The following NUDT16 variants were observed in gnomAD, a reference collection of about 807,000 sequenced individuals.
NUDT16 encodes U8 snoRNA-decapping enzyme.
Under a neutral mutation model 11.7 loss-of-function variants are expected in NUDT16, and 12 were observed. The observed-to-expected ratio is 1.03, with a 90% CI of 0.66 to 1.67. NUDT16 has a LOEUF of 1.67. Among genes scored for constraint, NUDT16 ranks in the 40% most tolerant of loss-of-function variants. The pLI is 0.00. For synonymous variants in NUDT16, 129 were observed against 122.6 expected (o/e 1.05, Z -0.35); for missense variants, 303 against 268.9 (o/e 1.13, Z -0.89).
chr3:131,386,420 T>C lies in NUDT16; in HGVS notation c.*3079T>C, dbSNP rs760898895. ...AGAAGAGAAATGCTCATTGCAATCT[T>C]TGACCCCCACTAACTGCTGTGGTGA... On this transcript the variant is annotated 3_prime_UTR_variant, in exon 3 of 3. Coordinates refer to ENST00000521288, the MANE Select transcript of NUDT16 (RefSeq NM_152395.3). 1.3e-5 allele frequency: 2 copies of C among 152,292 alleles called. No individual in the cohort carries two copies. Among genetic ancestry groups the C allele is most frequent in the Non-Finnish European group, 2.9e-5 (2 of 68,068 alleles). 9.4% of individuals were successfully genotyped at this position (152,292 alleles called of 1,614,324 possible).
At position 131,381,796 on chromosome 3, in the gene NUDT16, T is replaced by G. The variant is rs771608605; in HGVS notation, c.-9T>G. 1.6e-5 allele frequency: 24 copies of G among 1,544,694 alleles called. No individual in the cohort carries two copies. The highest frequency in any genetic ancestry group is 1.9e-5 in the Non-Finnish European group (22 of 1,151,708). On this transcript the variant is annotated 5_prime_UTR_variant, in exon 1 of 3. Transcript: ENST00000521288. ...GGCCTTCGGGACAGCAGAGGAGCAGTGTCCGGCCATGGCCGGAGCCCGCAG... is the reference window on the plus strand; with the variant it reads ...GGCCTTCGGGACAGCAGAGGAGCAGGGTCCGGCCATGGCCGGAGCCCGCAG...
chr3:131,382,375 T>C, intron 2 of NUDT16, 60 bp downstream of exon 2: 1 of 1,603,712 alleles, frequency 6.2e-7, no homozygotes, highest in South Asian at 1.1e-5. Flanking sequence ...AAGCTTTCTC[T>C]CCCCCAAGAA....
In NUDT16 at chr3:131,382,043, C is replaced by T; in HGVS notation, c.139-3C>T. 1 of 1,578,472 alleles carries T rather than the reference C, an allele frequency of 6.3e-7. No individual in the cohort carries two copies. Among genetic ancestry groups the T allele is most frequent in the Non-Finnish European group, 8.6e-7 (1 of 1,160,340 alleles). On this transcript the variant is annotated splice_region_variant and splice_polypyrimidine_tract_variant and intron_variant, in intron 1 of 2. Transcript: ENST00000521288. The stretch of plus-strand genomic sequence containing the variant: ...TGCCAATCCCCGCTTCCCCCTCCCG[C>T]AGATGCAGATGCGCTTCGATGGACG...
Position 131,382,767 on chromosome 3 carries a change from C to T in NUDT16, c.409-395C>T. 2 of 1,257,284 alleles carry T rather than the reference C, an allele frequency of 1.6e-6. No homozygotes were observed. Among genetic ancestry groups the T allele is most frequent in the East Asian group, 2.7e-5 (1 of 36,706 alleles). The allele number at this position is 1,257,284 out of a possible 1,614,324, so 77.9% of individuals were successfully genotyped here. ...TCATCGGGGCGTCTTATTAAAATAGCGATTTCTCTCAGCATTCCTGCATTG... is the reference window on the plus strand; with the variant it reads ...TCATCGGGGCGTCTTATTAAAATAGTGATTTCTCTCAGCATTCCTGCATTG... On this transcript the variant is annotated intron_variant, in intron 2 of 2. Coordinates refer to ENST00000521288, the MANE Select transcript of NUDT16 (RefSeq NM_152395.3).
Position 131,383,593 on chromosome 3 carries a change from G to GTT in NUDT16, c.*253_*254insTT. On this transcript the variant is annotated 3_prime_UTR_variant, in exon 3 of 3. Coordinates refer to ENST00000521288, the MANE Select transcript of NUDT16 (RefSeq NM_152395.3). The surrounding 1 kb of genome is among the most constrained non-coding windows in gnomAD (Gnocchi z 4.4). ...GCCTGCCTCCTCCCTGTTTATATGC[G>GTT]TACAGCCTGGTAACCCCCAGGCATG... 1.5e-6 allele frequency: 1 copy of GTT among 668,002 alleles called. No homozygotes were observed. Among genetic ancestry groups the GTT allele is most frequent in the South Asian group, 1.9e-5 (1 of 51,498 alleles). 41.4% of individuals were successfully genotyped at this position (668,002 alleles called of 1,614,324 possible).
At position 131,384,919 on chromosome 3, in the gene NUDT16, T is replaced by C. The variant is rs1198964132; in HGVS notation, c.*1578T>C. 1 of 152,226 alleles carries C rather than the reference T, an allele frequency of 6.6e-6. No homozygotes were observed. Among genetic ancestry groups the C allele is most frequent in the Admixed American group, 6.5e-5 (1 of 15,284 alleles). The allele number at this position is 152,226 out of a possible 1,614,324, so 9.4% of individuals were successfully genotyped here. A position where few individuals can be genotyped will look rare whatever the true frequency, so the allele number is the denominator to read the frequency against. ...GAGTAGGATGCTGGGCACTCAGGTG[T>C]GTGTGTGTTGAGTGGGGCTCTGCAC... On this transcript the variant is annotated 3_prime_UTR_variant, in exon 3 of 3. Transcript: ENST00000521288.
At chr3:131,381,745 G>T, upstream of NUDT16, 1 of 1,516,938 alleles carries the variant, frequency 6.6e-7, no homozygotes, top group Non-Finnish European at 8.8e-7. Flanking sequence ...ATTGGTCCGA[G>T]GTGAGACCCG....
chr3:131,382,747 G>C (rs762417364), intron 2 of NUDT16: 75 of 1,349,880 alleles, frequency 5.6e-5, no homozygotes, highest in Non-Finnish European at 7.0e-5. Context: ...CAGAATCATC[G>C]GGGCGTCTTA....
At position 131,381,831 on chromosome 3, in the gene NUDT16, A is replaced by T. The variant is rs760767167; in HGVS notation, c.27A>T (p.Leu9=). The T allele has an allele frequency of 1.1e-5, 17 of 1,582,424 alleles. No individual in the cohort carries two copies. The highest frequency in any genetic ancestry group is 5.3e-5 in the Admixed American group (3 of 56,472). ...TGGCCGGAGCCCGCAGGCTGGAGCT[A>T]GGCGAGGCCCTGGCGCTGGGGTCGG... MAGARRLE[L]GEALALGSGW... is the part of the protein sequence containing the mutation. Residue 9 remains leucine, a synonymous_variant, in exon 1 of 3, where the codon CTA becomes CTT. Coordinates refer to ENST00000521288, the MANE Select transcript of NUDT16 (RefSeq NM_152395.3).
rs2097460183 is a variant in NUDT16, at chr3:131,386,767, C to T, written c.*3426C>T. The T allele has an allele frequency of 1.3e-5, 2 of 152,228 alleles. No individual in the cohort carries two copies. Among genetic ancestry groups the T allele is most frequent in the South Asian group, 4.1e-4 (2 of 4,838 alleles). The allele number at this position is 152,228 out of a possible 1,614,324, so 9.4% of individuals were successfully genotyped here. ...CCACCCTGTCCTGAGACAAAGTCCT[C>T]TGTGGTCACTTGGCATATGGCAAAG... On this transcript the variant is annotated 3_prime_UTR_variant, in exon 3 of 3. Transcript: ENST00000521288.
In NUDT16 at chr3:131,386,502, G is replaced by T. The variant is rs2097459988; in HGVS notation, c.*3161G>T. On this transcript the variant is annotated 3_prime_UTR_variant, in exon 3 of 3. Coordinates refer to ENST00000521288, the MANE Select transcript of NUDT16 (RefSeq NM_152395.3). ...TATCTGAAATGTTGCTGTGATTCCT[G>T]TGGTGAGATCAGATGAGGCAGCACT... 6.6e-6 allele frequency: 1 copy of T among 152,300 alleles called. No individual in the cohort carries two copies. The highest frequency in any genetic ancestry group is 2.1e-4 in the South Asian group (1 of 4,830). The allele number at this position is 152,300 out of a possible 1,614,324, so 9.4% of individuals were successfully genotyped here.
Position 131,381,831 on chromosome 3 carries a change from A to G in NUDT16, c.27A>G (p.Leu9=). 6.3e-7 allele frequency: 1 copy of G among 1,582,542 alleles called. No individual in the cohort carries two copies. Among genetic ancestry groups the G allele is most frequent in the Non-Finnish European group, 8.5e-7 (1 of 1,170,704 alleles). ...TGGCCGGAGCCCGCAGGCTGGAGCTAGGCGAGGCCCTGGCGCTGGGGTCGG... is the reference window on the plus strand; with the variant it reads ...TGGCCGGAGCCCGCAGGCTGGAGCTGGGCGAGGCCCTGGCGCTGGGGTCGG... MAGARRLE[L]GEALALGSGW... is the part of the protein sequence containing the mutation. Residue 9 remains leucine, a synonymous_variant, in exon 1 of 3, where the codon CTA becomes CTG. Coordinates refer to ENST00000521288, the MANE Select transcript of NUDT16 (RefSeq NM_152395.3).
rs2097457369 is a variant in NUDT16 at position 131,383,278 on chromosome 3, C to T, written c.525C>T (p.Leu175=). 1.9e-6 allele frequency: 3 copies of T among 1,614,006 alleles called. No individual in the cohort carries two copies. Among genetic ancestry groups the T allele is most frequent in the African/African-American group, 2.7e-5 (2 of 74,906 alleles). ...GSAREQLLEA[L]QDLGLLQSGS... ...CGCGGGAGCAGTTACTTGAAGCTCT[C>T]CAGGACTTGGGACTGCTGCAGTCTG... Residue 175 remains leucine, a synonymous_variant, in exon 3 of 3, where the codon CTC becomes CTT. Coordinates refer to ENST00000521288, the MANE Select transcript of NUDT16 (RefSeq NM_152395.3). This position sits in a 1 kb window ranked among gnomAD's most constrained non-coding sequence, Gnocchi z 4.4.
In NUDT16 at chr3:131,381,936, C is replaced by T; in HGVS notation, c.132C>T (p.Ala44=). The T allele has an allele frequency of 6.2e-7, 1 of 1,611,356 alleles. No homozygotes were observed. Among genetic ancestry groups the T allele is most frequent in the Non-Finnish European group, 8.5e-7 (1 of 1,178,774 alleles). The change falls in exon 1 of 3, where the codon GCC becomes GCT. Residue 44 remains alanine, a synonymous_variant. Transcript: ENST00000521288. ...MLFGRIPLRY[A]ILMQMRFDGR... ...TCGGCCGCATCCCGCTGCGCTACGCCATACTGGTGAGAAGGGGGCGCGCCC... is the reference window on the plus strand; with the variant it reads ...TCGGCCGCATCCCGCTGCGCTACGCTATACTGGTGAGAAGGGGGCGCGCCC...
rs2097460158 is a variant in NUDT16 at position 131,386,731 on chromosome 3, C to T, written c.*3390C>T. ...CTTTTCTGCTGGTGCAGAATAAAAA[C>T]ACTTTGAGCCCCACCCTGTCCTGAG... On this transcript the variant is annotated 3_prime_UTR_variant, in exon 3 of 3. Transcript: ENST00000521288. 6.6e-6 allele frequency: 1 copy of T among 152,202 alleles called. No individual in the cohort carries two copies. The highest frequency in any genetic ancestry group is 2.4e-5 in the African/African-American group (1 of 41,442). 9.4% of individuals were successfully genotyped at this position (152,202 alleles called of 1,614,324 possible).
chr3:131,381,896 A>G lies in NUDT16; in HGVS notation c.92A>G (p.Asp31Gly). 1 of 1,610,478 alleles carries G rather than the reference A, an allele frequency of 6.2e-7. No homozygotes were observed. Reference sequence around the variant, plus strand: ...TGCCACGCTCTCCTCTACGCGCCGGACCCTGGGATGCTCTTCGGCCGCATC... The same window carrying G: ...TGCCACGCTCTCCTCTACGCGCCGGGCCCTGGGATGCTCTTCGGCCGCATC... ...HACHALLYAPDPGMLFGRIPL... is the reference protein window; with the variant it reads ...HACHALLYAPGPGMLFGRIPL... Residue 31 changes from aspartate (D) to glycine (G), a missense_variant, in exon 1 of 3, where the codon GAC becomes GGC. Asp to Gly is a moderately conservative substitution (Grantham distance 94). Transcript: ENST00000521288.
rs1353380978 is a variant in NUDT16, at chr3:131,387,366, A to C, written c.*4025A>C. On this transcript the variant is annotated 3_prime_UTR_variant, in exon 3 of 3. Transcript: ENST00000521288. ...ACAGGGGCCAGCTGGGCAGAGATGAAATCTTGCAAAGGAACCCTTCTTACA... is the reference window on the plus strand; with the variant it reads ...ACAGGGGCCAGCTGGGCAGAGATGACATCTTGCAAAGGAACCCTTCTTACA... The C allele has an allele frequency of 6.6e-6, 1 of 152,248 alleles. No individual in the cohort carries two copies. The allele number at this position is 152,248 out of a possible 1,614,324, so 9.4% of individuals were successfully genotyped here. A position where few individuals can be genotyped will look rare whatever the true frequency, so the allele number is the denominator to read the frequency against.
chr3:131,383,481 A>G lies in NUDT16; in HGVS notation c.*140A>G, dbSNP rs1253909550. ...ATGAAAAGAAGGAGAAGTGTGTACC[A>G]TATGTTTTGAGCAGAGGACCCTCCA... On this transcript the variant is annotated 3_prime_UTR_variant, in exon 3 of 3. Transcript: ENST00000521288. This position sits in a 1 kb window ranked among gnomAD's most constrained non-coding sequence, Gnocchi z 4.4. 6 of 1,522,446 alleles carry G rather than the reference A, an allele frequency of 3.9e-6. No homozygotes were observed. In the Admixed American group the frequency reaches 8.0e-5, roughly 20 times the overall value. 94.3% of individuals were successfully genotyped at this position (1,522,446 alleles called of 1,614,324 possible). A position where few individuals can be genotyped will look rare whatever the true frequency, so the allele number is the denominator to read the frequency against.
At position 131,381,961 on chromosome 3, in the gene NUDT16, C is replaced by T. The variant is rs1360621413; in HGVS notation, c.138+19C>T. Reference sequence around the variant, plus strand: ...CATACTGGTGAGAAGGGGGCGCGCCCGGCCACTTTCTGCCTGAGCCCCGCA... The same window carrying T: ...CATACTGGTGAGAAGGGGGCGCGCCTGGCCACTTTCTGCCTGAGCCCCGCA... On this transcript the variant is annotated intron_variant, in intron 1 of 2. Transcript: ENST00000521288. 8 of 1,603,978 alleles carry T rather than the reference C, an allele frequency of 5.0e-6. No individual in the cohort carries two copies. The African/African-American group carries it at 9.4e-5, about 19-fold the overall frequency.
Sources: allele counts gnomAD v4.1 joint callset, GRCh38; gene constraint gnomAD v4.1.1; non-coding constraint Gnocchi (gnomAD v3.1); transcripts MANE v1.5; gene names NCBI Gene and HGNC (gene_info 2026-07-23, HGNC 2026-07-21).